AVEN: variants seen among roughly 807,000 people sequenced by gnomAD.
AVEN encodes the protein apoptosis and caspase activation inhibitor.
Under a neutral mutation model 38.1 loss-of-function variants are expected in AVEN, and 41 were observed. The ratio of observed to expected loss-of-function variants is 1.08; its 90% CI spans 0.84 to 1.40. AVEN has a LOEUF of 1.40. Ranked by LOEUF, AVEN falls within the 40% of genes most tolerant of loss-of-function variation. AVEN has a pLI of 0.00. For synonymous variants in AVEN, 206 were observed against 171.8 expected (o/e 1.20, Z -1.56); for missense variants, 605 against 438.8 (o/e 1.38, Z -3.38).
chr15:33,933,558 G>C (rs1304160456), intron 2 of AVEN, among the ~76,000 whole-genome samples: 4 of 147,532 alleles, frequency 2.7e-5, no homozygotes, highest in African/African-American at 1.0e-4. Context: ...GAGAGAGAGA[G>C]AGAGAGAGAG....
intron 2 of AVEN, among the ~76,000 whole-genome samples, chr15:33,884,592 A>C (rs1400163835): frequency 6.6e-6 from 1 of 152,184 alleles, no homozygotes; most frequent in Non-Finnish European, 1.5e-5. Context: ...AGAACTCCTC[A>C]GTACTAATAT....
chr15:33,854,657 C>A, downstream of AVEN: 1 of 1,419,362 alleles, frequency 7.0e-7, no homozygotes, highest in South Asian at 1.4e-5. Context: ...CACCTCAGCA[C>A]CTAAACCCCC....
chr15:33,957,450 T>A (rs1256855619), intron 2 of AVEN, among the ~76,000 whole-genome samples: 2 of 152,186 alleles, frequency 1.3e-5, no homozygotes, highest in African/African-American at 4.8e-5. Flanking sequence ...CTTATAAAAT[T>A]AAGCATAAAT....
intron 2 of AVEN, among the ~76,000 whole-genome samples, chr15:33,942,937 C>T (rs1894371714): frequency 6.6e-6 from 1 of 152,180 alleles, no homozygotes; most frequent in Non-Finnish European, 1.5e-5. Flanking sequence ...GTAGATTCAA[C>T]ACCGTAACAC....
intron 5 of AVEN, chr15:34,062,869 T>C: frequency 1.2e-6 from 2 of 1,614,218 alleles, no homozygotes; most frequent in Non-Finnish European, 1.7e-6. Flanking sequence ...AATGTCTTGG[T>C]CATGATCTCC....
At chr15:33,965,501 A>G (rs960586167) in intron 2 of AVEN, among the ~76,000 whole-genome samples, 2 of 152,184 alleles carry the variant, frequency 1.3e-5, no homozygotes, top group Non-Finnish European at 2.9e-5. Context: ...AGCTATGAGC[A>G]TAACTCTAGG....
At chr15:34,047,615 ACC>A (rs1491513247) in intron 5 of AVEN, among the ~76,000 whole-genome samples, 1 of 152,148 alleles carries the variant, frequency 6.6e-6, no homozygotes, top group Non-Finnish European at 1.5e-5. Context: ...GATGACTGTT[ACC>A]TCTGTGGTTC....
intron 2 of AVEN, among the ~76,000 whole-genome samples, chr15:33,893,211 T>A (rs1892062131): frequency 6.6e-6 from 1 of 152,196 alleles, no homozygotes; most frequent in Admixed American, 6.5e-5. Context: ...TACCCTTTAT[T>A]TCTTTCTCCT....
chr15:33,928,898 T>C (rs1345137930), intron 2 of AVEN, among the ~76,000 whole-genome samples: 1 of 152,182 alleles, frequency 6.6e-6, no homozygotes, highest in Non-Finnish European at 1.5e-5. Context: ...CTTCCTCCCC[T>C]TCCCTGATAT....
intron 2 of AVEN, among the ~76,000 whole-genome samples, chr15:33,878,093 G>T (rs757580894): frequency 4.6e-5 from 7 of 151,934 alleles, no homozygotes; most frequent in Admixed American, 2.6e-4. Context: ...TAAAAAGGAA[G>T]ACAAAAAACT....
At chr15:33,983,893 T>C (rs1000550690) in intron 2 of AVEN, among the ~76,000 whole-genome samples, 5 of 151,176 alleles carry the variant, frequency 3.3e-5, no homozygotes, top group Admixed American at 2.0e-4. Context: ...CATCTTAGGG[T>C]ATTCTCCCCC....
At chr15:34,053,917 G>A (rs534986031) in intron 5 of AVEN, among the ~76,000 whole-genome samples, 39 of 152,210 alleles carry the variant, frequency 2.6e-4, no homozygotes, top group African/African-American at 9.1e-4. Context: ...GAAAAATTTT[G>A]CAATCTATCC....
chr15:33,878,379 G>A (rs904653805), intron 2 of AVEN, among the ~76,000 whole-genome samples: 2 of 152,142 alleles, frequency 1.3e-5, no homozygotes, highest in Non-Finnish European at 2.9e-5. Flanking sequence ...CTTAGATATC[G>A]TAAGAGCGGC....
intron 1 of AVEN, among the ~76,000 whole-genome samples, chr15:34,073,680 C>A (rs1421927442): frequency 6.6e-6 from 1 of 151,772 alleles, no homozygotes; most frequent in African/African-American, 2.4e-5. Flanking sequence ...ACCACCACAC[C>A]CAGCTAATTT....
rs763859893 is a variant in AVEN, at chr15:34,003,173, C to T, written c.304G>A (p.Glu102Lys). The T allele has an allele frequency of 6.2e-7, 1 of 1,613,638 alleles. No homozygotes were observed. Among genetic ancestry groups the T allele is most frequent in the Non-Finnish European group, 8.5e-7 (1 of 1,179,920 alleles). Residue 102 changes from glutamate (E) to lysine (K), a missense_variant, in exon 2 of 6, where the codon GAG (glutamate) becomes AAG (lysine). Transcript: ENST00000306730. ...DDSDAETYGE[E>K]NDEQGNYSKR... ...GAATAATTTCCCTGTTCATCATTCT[C>T]TTCTCCATAGGTCTCTGCATCGCTG... is the stretch of plus-strand genomic sequence containing the variant.
At chr15:33,964,973 C>A (rs1453698225) in intron 2 of AVEN, among the ~76,000 whole-genome samples, 1 of 152,172 alleles carries the variant, frequency 6.6e-6, no homozygotes, top group South Asian at 2.1e-4. Context: ...AGGCTGGGTT[C>A]ATACCACAGT....
chr15:33,947,948 G>T (rs149056730), intron 2 of AVEN, among the ~76,000 whole-genome samples: 1 of 152,104 alleles, frequency 6.6e-6, no homozygotes, highest in Admixed American at 6.5e-5. Context: ...CTGCTTTAAA[G>T]GTTTTTAAGA....
intron 2 of AVEN, among the ~76,000 whole-genome samples, chr15:33,962,940 AAAAAAAAAAAAAAAAAAT>A (rs1380854091): frequency 2.1e-5 from 3 of 146,212 alleles, no homozygotes; most frequent in South Asian, 2.1e-4. Context: ...AAAAAAAAAA[AAAAAAAAAAAAAAAAAAT>A]TCTCATACAG....
At chr15:33,883,086 C>A (rs937354318) in intron 2 of AVEN, among the ~76,000 whole-genome samples, 2 of 152,108 alleles carry the variant, frequency 1.3e-5, no homozygotes, top group African/African-American at 2.4e-5. Flanking sequence ...CAAGTTCTTA[C>A]CTAGTCAGTT....
Sources: gnomAD v4.1 joint callset for allele counts (sites outside exome capture counted in the v4.1 genomes callset) on GRCh38, gnomAD v4.1.1 for gene constraint, MANE v1.5 for transcripts, NCBI Gene and HGNC (gene_info 2026-07-23, HGNC 2026-07-21) for gene names.